The following CCDC33 variants were observed in gnomAD, a reference collection of about 807,000 sequenced individuals.
CCDC33 encodes the protein coiled-coil domain containing 33.
CCDC33 carries 94 observed loss-of-function variants against 91.9 expected under a neutral mutation model. That is an observed-to-expected ratio of 1.02 (90% CI 0.87 to 1.21). The LOEUF (loss-of-function observed/expected upper bound fraction) is 1.21. CCDC33 is among the 50% of genes most tolerant of loss of function. The pLI is 0.00. For synonymous variants in CCDC33, 396 were observed against 374.5 expected, an observed-to-expected ratio of 1.06 and a Z score of -0.66; for missense variants, 940 against 935.5, an observed-to-expected ratio of 1.00 and a Z score of -0.06.
chr15:74,305,429 G>A lies in CCDC33; in HGVS notation c.1290+9481G>A, dbSNP rs190653724. Among the ~76,000 whole-genome samples, 145 of 152,276 alleles carry A rather than the reference G, an allele frequency of 9.5e-4. 1 individual carries two copies. Among genetic ancestry groups the A allele is most frequent in the South Asian group, 6.6e-3 (32 of 4,820 alleles). On this transcript the variant is annotated intron_variant, in intron 11 of 18. Transcript: ENST00000398814. ...ATTAGGGGTGGGCCTGGAGAGGGGA[G>A]GCTTCCATAGAGAAAGCCCCCCAGC...
chr15:74,323,037 T>C (rs1418215182), intron 11 of CCDC33, among the ~76,000 whole-genome samples: 3 of 151,954 alleles, frequency 2.0e-5, no homozygotes, highest in African/African-American at 7.2e-5. Flanking sequence ...AGCCCATACC[T>C]CCCCTATGCA....
chr15:74,333,948 T>C lies in CCDC33; in HGVS notation c.2006T>C (p.Ile669Thr), dbSNP rs774716939. Residue 669 changes from isoleucine to threonine, a missense_variant, in exon 17 of 19, where the codon ATC (isoleucine) becomes ACC (threonine). Physicochemically the swap from Ile to Thr is moderately conservative, Grantham distance 89 (BLOSUM62 -1). Transcript: ENST00000398814. ...LAKLEHAQSR[I>T]LSLESQLEDS... Reference sequence around the variant, plus strand: ...AAGCTGGAACACGCTCAGAGCCGGATCCTGTCCCTGGAAAGCCAGGTGGGT... The same window carrying C: ...AAGCTGGAACACGCTCAGAGCCGGACCCTGTCCCTGGAAAGCCAGGTGGGT... 6.2e-7 allele frequency: 1 copy of C among 1,613,620 alleles called. No homozygotes were observed. Among genetic ancestry groups the C allele is most frequent in the Admixed American group, 1.7e-5 (1 of 60,012 alleles).
chr15:74,272,912 T>A (rs1566988544), intron 7 of CCDC33, 21 bp downstream of exon 7: 1 of 1,613,842 alleles, frequency 6.2e-7, no homozygotes, highest in African/African-American at 1.3e-5. Context: ...TCCCCAGTGG[T>A]TCCAGCTTCC....
intron 1 of CCDC33, among the ~76,000 whole-genome samples, chr15:74,204,980 G>T (rs754032859): frequency 1.3e-5 from 2 of 152,064 alleles, no homozygotes; most frequent in Non-Finnish European, 2.9e-5. Context: ...CTCTTCCTTG[G>T]AGGAAGCCTA....
At chr15:74,257,421 T>G (rs754585553) in intron 2 of CCDC33, among the ~76,000 whole-genome samples, 4 of 152,178 alleles carry the variant, frequency 2.6e-5, no homozygotes, top group African/African-American at 9.7e-5. Flanking sequence ...GCCTCAGATC[T>G]CAGCTCCTCC....
chr15:74,219,120 G>A (rs908690893), intron 2 of CCDC33, among the ~76,000 whole-genome samples: 1 of 152,202 alleles, frequency 6.6e-6, no homozygotes, highest in Non-Finnish European at 1.5e-5. Flanking sequence ...TGCCCTGTGG[G>A]TTAGTGTCCC....
At position 74,236,478 on chromosome 15, in the gene CCDC33, T is replaced by A. The variant is rs2075159885; in HGVS notation, c.-242T>A. The A allele has an allele frequency of 6.3e-6, 3 of 479,574 alleles. No individual in the cohort carries two copies. In the South Asian group the frequency reaches 1.3e-4, roughly 21 times the overall value. The allele number at this position is 479,574 out of a possible 1,614,324, so 29.7% of individuals were successfully genotyped here. A position where few individuals can be genotyped will look rare whatever the true frequency, so the allele number is the denominator to read the frequency against. On this transcript the variant is annotated 5_prime_UTR_variant, in exon 1 of 19. Transcript: ENST00000398814. Reference sequence around the variant, plus strand: ...CCCTTCCACCCACAGACCATCTCGCTGCTGAGAGATCCAGGACCTGCTCCC... The same window carrying A: ...CCCTTCCACCCACAGACCATCTCGCAGCTGAGAGATCCAGGACCTGCTCCC...
chr15:74,280,654 T>C lies in CCDC33; in HGVS notation c.890-14T>C. 6.9e-7 allele frequency: 1 copy of C among 1,451,880 alleles called. No homozygotes were observed. The highest frequency in any genetic ancestry group is 9.1e-7 in the Non-Finnish European group (1 of 1,096,562). 89.9% of individuals were successfully genotyped at this position (1,451,880 alleles called of 1,614,324 possible). A position where few individuals can be genotyped will look rare whatever the true frequency, so the allele number is the denominator to read the frequency against. On this transcript the variant is annotated splice_polypyrimidine_tract_variant and intron_variant, in intron 8 of 18. Coordinates refer to ENST00000398814, the MANE Select transcript of CCDC33 (RefSeq NM_025055.5). ...GGGCTTTGGCAGGAGCCCTAGTTGATCCTTCCCCCACAGTGAAAGGCAGCC... is the reference window on the plus strand; with the variant it reads ...GGGCTTTGGCAGGAGCCCTAGTTGACCCTTCCCCCACAGTGAAAGGCAGCC...
intron 11 of CCDC33, among the ~76,000 whole-genome samples, chr15:74,329,211 G>T (rs1379492404): frequency 6.6e-6 from 1 of 151,334 alleles, no homozygotes; most frequent in Non-Finnish European, 1.5e-5. Flanking sequence ...TTTTTCTCTC[G>T]ATTGGGGATT....
At chr15:74,291,266 T>G (rs1156373022) in intron 10 of CCDC33, among the ~76,000 whole-genome samples, 1 of 152,166 alleles carries the variant, frequency 6.6e-6, no homozygotes, top group Non-Finnish European at 1.5e-5. Flanking sequence ...GCTGAAGAGA[T>G]AAGAACCTAC....
chr15:74,318,559 A>C (rs759674112), intron 11 of CCDC33: 24 of 702,986 alleles, frequency 3.4e-5, no homozygotes, highest in Non-Finnish European at 5.7e-5. Flanking sequence ...CTGGGGACCC[A>C]TCCTGGGGAA....
downstream of CCDC33, chr15:74,336,156 C>T: frequency 1.3e-6 from 2 of 1,516,040 alleles, no homozygotes; most frequent in South Asian, 1.3e-5. Flanking sequence ...TTTCCTCTTT[C>T]CTGGAGCAGG....
chr15:74,215,910 G>A (rs929868781), upstream of CCDC33, among the ~76,000 whole-genome samples: 53 of 149,292 alleles, frequency 3.6e-4, no homozygotes, highest in African/African-American at 1.3e-3. Flanking sequence ...AAGAAAGAAA[G>A]AAAAAAAGTT....
At chr15:74,213,445 T>C (rs1011571112), upstream of CCDC33, 1 of 152,268 alleles carries the variant, frequency 6.6e-6, no homozygotes, top group Non-Finnish European at 1.5e-5. Context: ...CAGCTGTCCA[T>C]GTGTCCTTGA....
chr15:74,280,128 G>T (rs375511346), intron 8 of CCDC33, 36 bp downstream of exon 8: 1 of 1,611,856 alleles, frequency 6.2e-7, no homozygotes. Flanking sequence ...GGGCAGCCAT[G>T]CCTCAGGAGA....
intron 2 of CCDC33, among the ~76,000 whole-genome samples, chr15:74,210,844 G>A (rs566518594): frequency 1.8e-4 from 27 of 152,256 alleles, no homozygotes; most frequent in Non-Finnish European, 1.3e-4. Context: ...CAAAAAGAGA[G>A]GTGTTCTCTT....
chr15:74,234,152 A>T (rs559639151), upstream of CCDC33, among the ~76,000 whole-genome samples: 3 of 152,216 alleles, frequency 2.0e-5, no homozygotes, highest in Non-Finnish European at 4.4e-5. Context: ...CCAGCCCCAG[A>T]TCCAGCCTCA....
intron 5 of CCDC33, among the ~76,000 whole-genome samples, chr15:74,270,859 C>T (rs946504337): frequency 4.6e-5 from 7 of 152,108 alleles, no homozygotes; most frequent in African/African-American, 1.2e-4. Context: ...GCTGGGACCC[C>T]GCTCGGCTCT....
intron 1 of CCDC33, chr15:74,209,338 G>T (rs1203239867): frequency 6.6e-7 from 1 of 1,521,774 alleles, no homozygotes; most frequent in Admixed American, 2.0e-5. Flanking sequence ...CCTTAGAGAA[G>T]CTGAGGAACC....
Sources: allele counts gnomAD v4.1 joint callset (sites outside exome capture counted in the v4.1 genomes callset), GRCh38; gene constraint gnomAD v4.1.1; transcripts MANE v1.5; gene names NCBI Gene and HGNC (gene_info 2026-07-23, HGNC 2026-07-21).